The following ALS2 variants were observed in gnomAD, a reference collection of about 807,000 sequenced individuals.
ALS2 encodes the protein alsin.
ALS2 carries 117 observed loss-of-function variants against 203.4 expected under a neutral mutation model. The ratio of observed to expected loss-of-function variants is 0.58; its 90% CI spans 0.50 to 0.67. The LOEUF (loss-of-function observed/expected upper bound fraction) is 0.67. Ranked by LOEUF, ALS2 falls within the 30% of genes least tolerant of loss-of-function variation. ALS2 has a pLI of 0.00. For synonymous variants in ALS2, 718 were observed against 725.9 expected, an observed-to-expected ratio of 0.99 and a Z score of 0.17; for missense variants, 1,715 against 1,989.4, an observed-to-expected ratio of 0.86 and a Z score of 2.62.
In ALS2 at chr2:201,761,780, T is replaced by C. The variant is rs765622482; in HGVS notation, c.214A>G (p.Ser72Gly). 3.7e-6 allele frequency: 6 copies of C among 1,613,646 alleles called. No individual in the cohort carries two copies. In the Admixed American group the frequency reaches 1.0e-4, roughly 27 times the overall value. The change falls in exon 4 of 34, where the codon AGT becomes GGT. Residue 72 changes from serine to glycine, a missense_variant. Ser to Gly is a moderately conservative substitution (Grantham distance 56, BLOSUM62 0). Transcript: ENST00000264276. ...VYSFGTLPWR[S>G]GPVEICPSSP... ...CTTGGACAAATCTCCACTGGTCCACTTCTCCAGGGAAGAGTCCCAAAGCTG... is the reference window on the plus strand; with the variant it reads ...CTTGGACAAATCTCCACTGGTCCACCTCTCCAGGGAAGAGTCCCAAAGCTG...
At chr2:201,714,088 C>T (rs1032664454) in intron 25 of ALS2, among the ~76,000 whole-genome samples, 1 of 151,966 alleles carries the variant, frequency 6.6e-6, no homozygotes, top group African/African-American at 2.4e-5. Context: ...TCGAGACCAG[C>T]CTGGATAATA....
At chr2:201,727,924 C>T in intron 15 of ALS2, 149 bp from the exon 16 acceptor site, 1 of 794,730 alleles carries the variant, frequency 1.3e-6, no homozygotes, top group South Asian at 1.5e-5. Flanking sequence ...GTAGGTGCCA[C>T]CAATTCTGCC....
chr2:201,714,489 G>C (rs1189342455), intron 25 of ALS2, among the ~76,000 whole-genome samples: 1 of 152,232 alleles, frequency 6.6e-6, no homozygotes, highest in African/African-American at 2.4e-5. Flanking sequence ...GATTCCTCCA[G>C]ACTCTACCTG....
At chr2:201,771,909 C>T (rs141755084) in intron 1 of ALS2, among the ~76,000 whole-genome samples, 2 of 152,272 alleles carry the variant, frequency 1.3e-5, no homozygotes, top group African/African-American at 2.4e-5. Context: ...GATAAAGAAG[C>T]CATGTGATGT....
chr2:201,749,671 A>G (rs758402993), intron 8 of ALS2, 41 bp downstream of exon 8: 3 of 1,502,548 alleles, frequency 2.0e-6, no homozygotes, highest in Admixed American at 3.3e-5. Context: ...TGTTACAGCT[A>G]AGAATTGTGG....
At chr2:201,722,460 C>A (rs1025014611) in intron 23 of ALS2, 4 of 152,370 alleles carry the variant, frequency 2.6e-5, no homozygotes, top group African/African-American at 9.7e-5. Flanking sequence ...TACCATACAA[C>A]TTAGCAATTA....
At chr2:201,744,819 C>T (rs1043596096) in intron 9 of ALS2, among the ~76,000 whole-genome samples, 5 of 152,162 alleles carry the variant, frequency 3.3e-5, no homozygotes, top group Non-Finnish European at 7.4e-5. Flanking sequence ...GATAGGGATA[C>T]ATGTCTCAGG....
intron 1 of ALS2, among the ~76,000 whole-genome samples, chr2:201,779,718 A>G (rs1191352397): frequency 6.6e-6 from 1 of 152,242 alleles, no homozygotes; most frequent in Non-Finnish European, 1.5e-5. Flanking sequence ...ATTTAGAGAC[A>G]AGAGAACTGA....
chr2:201,757,673 T>C lies in ALS2; in HGVS notation c.1200A>G (p.Ala400=), dbSNP rs1446362983. ...SALNSLVVSC[A]SAVGVRVAAT... The stretch of plus-strand genomic sequence containing the variant: ...CAGCCACTCTCACACCAACAGCAGA[T>C]GCACAAGAGACCACCAGGCTGTTTA... The change falls in exon 5 of 34, where the codon GCA becomes GCG. Residue 400 remains alanine (A), a synonymous_variant. Transcript: ENST00000264276. The C allele has an allele frequency of 3.7e-6, 6 of 1,614,082 alleles. No homozygotes were observed. The highest frequency in any genetic ancestry group is 1.3e-5 in the African/African-American group (1 of 75,048).
At chr2:201,745,632 ATAAACAGTAGG>A (rs1243452713) in intron 9 of ALS2, among the ~76,000 whole-genome samples, 1 of 152,140 alleles carries the variant, frequency 6.6e-6, no homozygotes, top group African/African-American at 2.4e-5. Context: ...TAAAAAGGGG[ATAAACAGTAGG>A]TAAACAGTAG....
rs1689826544 is a variant in ALS2 at position 201,707,940 on chromosome 2, A to T, written c.4332T>A (p.Ala1444=). 6.2e-7 allele frequency: 1 copy of T among 1,613,554 alleles called. No homozygotes were observed. Among genetic ancestry groups the T allele is most frequent in the Non-Finnish European group, 8.5e-7 (1 of 1,179,642 alleles). The stretch of plus-strand genomic sequence containing the variant: ...AAGACTTCCTTTCGGTTGGCAGAGG[A>T]GCAGAGAGAGGAATTGTGCTGCCTT... ...PEEGSTIPLS[A]PLPTERKSFC... The change falls in exon 28 of 34, where the codon GCT becomes GCA. Residue 1444 remains alanine, a synonymous_variant. Coordinates refer to ENST00000264276, the MANE Select transcript of ALS2 (RefSeq NM_020919.4).
chr2:201,741,460 CATG>C (rs1454073149), intron 11 of ALS2: 9 of 541,692 alleles, frequency 1.7e-5, no homozygotes, highest in African/African-American at 3.8e-5. Context: ...TAGAAGAAAA[CATG>C]ATAATTCATT....
chr2:201,724,465 G>A lies in ALS2; in HGVS notation c.3348-6C>T. On this transcript the variant is annotated splice_region_variant and splice_polypyrimidine_tract_variant and intron_variant, in intron 20 of 33. Transcript: ENST00000264276. ...ATACTTCACCAGAAGCATAGCTGTG[G>A]TTGGAAAGAATGGATAATTATCACA... The A allele has an allele frequency of 6.2e-7, 1 of 1,613,876 alleles. No homozygotes were observed. The highest frequency in any genetic ancestry group is 1.1e-5 in the South Asian group (1 of 91,068).
chr2:201,775,619 G>C (rs1694622343), intron 1 of ALS2, among the ~76,000 whole-genome samples: 1 of 152,060 alleles, frequency 6.6e-6, no homozygotes, highest in Non-Finnish European at 1.5e-5. Context: ...GTGGAAGGCT[G>C]AGGAAAACTC....
rs1274460385 is a variant in ALS2 at position 201,762,132 on chromosome 2, T to C, written c.176-314A>G. Among the ~76,000 whole-genome samples, 12 of 152,294 alleles carry C rather than the reference T, an allele frequency of 7.9e-5. No individual in the cohort carries two copies. The East Asian group carries it at 1.7e-3, about 22-fold the overall frequency. On this transcript the variant is annotated intron_variant, in intron 3 of 33. Coordinates refer to ENST00000264276, the MANE Select transcript of ALS2 (RefSeq NM_020919.4). ...TCCTAACGGCCATCATCCAGGCTAT[T>C]ATAGAAACAGATTCCAAGTGTTCAA...
At chr2:201,709,561 G>C (rs898529841) in intron 27 of ALS2, among the ~76,000 whole-genome samples, 6 of 152,158 alleles carry the variant, frequency 3.9e-5, no homozygotes, top group African/African-American at 1.4e-4. Context: ...CTCTGTGGTT[G>C]GGTTTTAGAT....
At chr2:201,721,527 C>T (rs757109292) in intron 23 of ALS2, among the ~76,000 whole-genome samples, 2 of 151,974 alleles carry the variant, frequency 1.3e-5, no homozygotes, top group Non-Finnish European at 2.9e-5. Context: ...ACAAAGGTGC[C>T]AAGATTCAAT....
intron 25 of ALS2, among the ~76,000 whole-genome samples, chr2:201,711,641 C>T (rs987704312): frequency 4.6e-5 from 7 of 152,034 alleles, no homozygotes; most frequent in African/African-American, 9.7e-5. Flanking sequence ...AAGCACATAA[C>T]GGGTAAACAG....
intron 1 of ALS2, among the ~76,000 whole-genome samples, chr2:201,775,140 A>C (rs1303047609): frequency 6.6e-6 from 1 of 152,234 alleles, no homozygotes; most frequent in Non-Finnish European, 1.5e-5. Context: ...ATAGAAAGGC[A>C]ATAAAAATAA....
Sources: allele counts gnomAD v4.1 joint callset (sites outside exome capture counted in the v4.1 genomes callset), GRCh38; gene constraint gnomAD v4.1.1; transcripts MANE v1.5; gene names NCBI Gene and HGNC (gene_info 2026-07-23, HGNC 2026-07-21).